The following GPC5 variants were observed in gnomAD, a reference collection of about 807,000 sequenced individuals.
The protein encoded by GPC5 is glypican 5, also known as glypican-5.
Under a neutral mutation model 53.9 loss-of-function variants are expected in GPC5, and 47 were observed. That is an observed-to-expected ratio of 0.87 (90% confidence interval 0.69 to 1.11). GPC5 has a LOEUF of 1.11. Among genes scored for constraint, GPC5 ranks in the 50% most tolerant of loss-of-function variants. GPC5 has a pLI of 0.00. For synonymous variants in GPC5, 286 were observed against 263.3 expected, an observed-to-expected ratio of 1.09 and a Z score of -0.84; for missense variants, 748 against 713.1, an observed-to-expected ratio of 1.05 and a Z score of -0.56.
At chr13:92,785,115 T>C (rs1259992380) in intron 7 of GPC5, among the ~76,000 whole-genome samples, 1 of 151,868 alleles carries the variant, frequency 6.6e-6, no homozygotes, top group Non-Finnish European at 1.5e-5. Context: ...GTCTCTACTT[T>C]AAATACAAAA....
At chr13:91,595,656 C>T (rs965656622) in intron 2 of GPC5, among the ~76,000 whole-genome samples, 6 of 152,106 alleles carry the variant, frequency 3.9e-5, no homozygotes, top group African/African-American at 9.7e-5. Context: ...TAAGCAGGCG[C>T]ATTTGTTCTA....
At chr13:91,888,986 C>G (rs569656024) in intron 5 of GPC5, among the ~76,000 whole-genome samples, 3 of 152,200 alleles carry the variant, frequency 2.0e-5, no homozygotes, top group African/African-American at 7.2e-5. Context: ...AGACCTGGGC[C>G]GCTGGAGTTA....
At chr13:91,540,354 C>T (rs1566488266) in intron 2 of GPC5, among the ~76,000 whole-genome samples, 1 of 152,226 alleles carries the variant, frequency 6.6e-6, no homozygotes, top group South Asian at 2.1e-4. Flanking sequence ...CTATAAATAT[C>T]TTTCCTTTAC....
At chr13:91,547,974 A>T (rs1334629030) in intron 2 of GPC5, among the ~76,000 whole-genome samples, 1 of 152,166 alleles carries the variant, frequency 6.6e-6, no homozygotes, top group Non-Finnish European at 1.5e-5. Context: ...CCTCAACTTG[A>T]TAAAGAATAT....
At chr13:92,541,322 A>T (rs909866850) in intron 7 of GPC5, among the ~76,000 whole-genome samples, 2 of 151,878 alleles carry the variant, frequency 1.3e-5, no homozygotes, top group African/African-American at 2.4e-5. Flanking sequence ...CCAGTATTTT[A>T]AAAATATTAT....
At chr13:92,615,047 G>A (rs892935231) in intron 7 of GPC5, among the ~76,000 whole-genome samples, 81 of 152,260 alleles carry the variant, frequency 5.3e-4, no homozygotes, top group African/African-American at 1.4e-3. Context: ...TAAAAGGGTC[G>A]TATAATTAAA....
rs534030332 is a variant in GPC5 at position 92,856,210 on chromosome 13, T to G, written c.1562-10072T>G. ...GCAAGGTTGGGTCAATATACACAAA[T>G]AAATAAATGCGATTCACCACATAAA... On this transcript the variant is annotated intron_variant, in intron 7 of 7. Transcript: ENST00000377067. Among the ~76,000 whole-genome samples the G allele has an allele frequency of 3.9e-5, 6 of 152,168 alleles. No individual in the cohort carries two copies. In the South Asian group the frequency reaches 1.2e-3, roughly 32 times the overall value.
At chr13:92,789,668 C>A (rs2138772787) in intron 7 of GPC5, among the ~76,000 whole-genome samples, 1 of 151,994 alleles carries the variant, frequency 6.6e-6, no homozygotes, top group East Asian at 1.9e-4. Context: ...AATAACAAAA[C>A]CTCATAAAAT....
chr13:92,789,643 A>G (rs1876391903), intron 7 of GPC5, among the ~76,000 whole-genome samples: 1 of 152,182 alleles, frequency 6.6e-6, no homozygotes, highest in Non-Finnish European at 1.5e-5. Flanking sequence ...TCAAGCTCAC[A>G]CAGCTAGTGG....
intron 7 of GPC5, among the ~76,000 whole-genome samples, chr13:92,375,751 T>C (rs185638447): frequency 1.4e-3 from 218 of 152,348 alleles, no homozygotes; most frequent in African/African-American, 4.8e-3. Context: ...AATTTTGTCT[T>C]CTTTCTGCTC....
chr13:92,859,420 T>C (rs1879110115), intron 7 of GPC5, among the ~76,000 whole-genome samples: 2 of 152,158 alleles, frequency 1.3e-5, no homozygotes, highest in African/African-American at 4.8e-5. Flanking sequence ...CACTACCATA[T>C]GTCGAGACAT....
chr13:92,360,610 A>G lies in GPC5; in HGVS notation c.1561+215621A>G, dbSNP rs576464980. ...TCTCACCACTCCTATTCAACATAGTATTGGAAGTCTTGATCAGAGCAATCA... is the reference window on the plus strand; with the variant it reads ...TCTCACCACTCCTATTCAACATAGTGTTGGAAGTCTTGATCAGAGCAATCA... On this transcript the variant is annotated intron_variant, in intron 7 of 7. Coordinates refer to ENST00000377067, the MANE Select transcript of GPC5 (RefSeq NM_004466.6). Among the ~76,000 whole-genome samples, 27 of 151,740 alleles carry G rather than the reference A, an allele frequency of 1.8e-4. 1 individual carries two copies. Among genetic ancestry groups the G allele is most frequent in the African/African-American group, 6.1e-4 (25 of 41,070 alleles).
chr13:92,607,197 T>A (rs1318795926), intron 7 of GPC5, among the ~76,000 whole-genome samples: 2 of 152,116 alleles, frequency 1.3e-5, no homozygotes, highest in Non-Finnish European at 2.9e-5. Flanking sequence ...ATTGGGCAAC[T>A]TTTTTGTCCT....
intron 6 of GPC5, among the ~76,000 whole-genome samples, chr13:92,055,848 C>T (rs187333501): frequency 6.6e-6 from 1 of 152,130 alleles, no homozygotes; most frequent in African/African-American, 2.4e-5. Context: ...TTCAAAGCAT[C>T]GTTTGCATGA....
chr13:91,459,038 A>T (rs947419483), intron 2 of GPC5, among the ~76,000 whole-genome samples: 1 of 151,762 alleles, frequency 6.6e-6, no homozygotes, highest in African/African-American at 2.4e-5. Context: ...GAATGATACA[A>T]TGGACTTTGG....
At chr13:92,789,240 T>A (rs1876374025) in intron 7 of GPC5, among the ~76,000 whole-genome samples, 1 of 152,072 alleles carries the variant, frequency 6.6e-6, no homozygotes, top group Non-Finnish European at 1.5e-5. Flanking sequence ...CATGAGGCCC[T>A]TGTTAGGGGG....
At chr13:92,429,978 T>A (rs1432633543) in intron 7 of GPC5, among the ~76,000 whole-genome samples, 1 of 151,996 alleles carries the variant, frequency 6.6e-6, no homozygotes, top group Non-Finnish European at 1.5e-5. Flanking sequence ...ATTTTAAGTA[T>A]TGCCATCACA....
At chr13:91,471,841 C>A (rs947765759) in intron 2 of GPC5, among the ~76,000 whole-genome samples, 9 of 152,074 alleles carry the variant, frequency 5.9e-5, no homozygotes, top group Non-Finnish European at 1.2e-4. Context: ...TACCGAGCAG[C>A]CTCTTGATTG....
chr13:92,460,153 T>A (rs931002045), intron 7 of GPC5, among the ~76,000 whole-genome samples: 7 of 152,094 alleles, frequency 4.6e-5, no homozygotes, highest in Admixed American at 6.6e-5. Flanking sequence ...ATAAAAAAAA[T>A]TTACAATAAA....
Sources: gnomAD v4.1 joint callset for allele counts (sites outside exome capture counted in the v4.1 genomes callset) on GRCh38, gnomAD v4.1.1 for gene constraint, MANE v1.5 for transcripts, NCBI Gene and HGNC (gene_info 2026-07-23, HGNC 2026-07-21) for gene names.